The following SCFD2 variants were observed in gnomAD, a reference collection of about 807,000 sequenced individuals.
SCFD2 encodes sec1 family domain containing 2.
Under a neutral mutation model 58.9 loss-of-function variants are expected in SCFD2, and 54 were observed. The ratio of observed to expected loss-of-function variants is 0.92; its 90% CI spans 0.74 to 1.15. The LOEUF (loss-of-function observed/expected upper bound fraction) is 1.15, where lower values mean the gene tolerates loss of function less well. SCFD2 is among the 50% of genes most tolerant of loss of function. SCFD2 has a pLI of 0.00. For missense variants in SCFD2, 805 were observed against 836.6 expected, an observed-to-expected ratio of 0.96 and a Z score of 0.47; for synonymous variants, 321 against 335.9, an observed-to-expected ratio of 0.96 and a Z score of 0.49.
At chr4:52,931,375 C>G (rs1321897028) in intron 5 of SCFD2, among the ~76,000 whole-genome samples, 2 of 152,040 alleles carry the variant, frequency 1.3e-5, no homozygotes, top group Non-Finnish European at 2.9e-5. Context: ...TAGAAGAACA[C>G]TATGACGTTA....
In SCFD2 at chr4:53,262,986, A is replaced by G. The variant is rs147890865; in HGVS notation, c.1311+10840T>C. Among the ~76,000 whole-genome samples, 33 of 152,188 alleles carry G rather than the reference A, an allele frequency of 2.2e-4. No homozygotes were observed. The East Asian group carries it at 6.4e-3, about 29-fold the overall frequency. ...TCTTTGTCTATGATGGATTGGGTTA[A>G]TTCGAAAGCCTTGTCCTTGAGCTCT... On this transcript the variant is annotated intron_variant, in intron 4 of 8. Coordinates refer to ENST00000401642, the MANE Select transcript of SCFD2 (RefSeq NM_152540.4).
At chr4:52,947,887 A>T (rs949917474) in intron 5 of SCFD2, among the ~76,000 whole-genome samples, 1 of 151,772 alleles carries the variant, frequency 6.6e-6, no homozygotes, top group Admixed American at 6.6e-5. Flanking sequence ...CATAAAACCA[A>T]CAAAGGATTA....
chr4:52,981,599 G>T (rs1721376106), intron 5 of SCFD2, among the ~76,000 whole-genome samples: 1 of 152,004 alleles, frequency 6.6e-6, no homozygotes, highest in Non-Finnish European at 1.5e-5. Flanking sequence ...AAGGATCAAG[G>T]TCCTTATTTT....
chr4:53,032,563 A>T (rs534118433), intron 5 of SCFD2, among the ~76,000 whole-genome samples: 3 of 152,342 alleles, frequency 2.0e-5, no homozygotes, highest in Admixed American at 2.0e-4. Flanking sequence ...CTGCAAAGAC[A>T]CACATAAGCT....
intron 5 of SCFD2, among the ~76,000 whole-genome samples, chr4:52,987,154 G>T (rs1331748104): frequency 6.6e-6 from 1 of 152,016 alleles, no homozygotes; most frequent in Admixed American, 6.5e-5. Context: ...TTAGCCTCCT[G>T]AACAGCTGGG....
chr4:53,239,758 G>A (rs1729832293), intron 4 of SCFD2, among the ~76,000 whole-genome samples: 2 of 152,176 alleles, frequency 1.3e-5, no homozygotes, highest in Non-Finnish European at 2.9e-5. Context: ...TTACAGGCAT[G>A]AGGCACCATG....
intron 4 of SCFD2, among the ~76,000 whole-genome samples, chr4:53,167,231 C>T (rs139051977): frequency 9.8e-4 from 149 of 152,324 alleles, no homozygotes; most frequent in African/African-American, 3.5e-3. Context: ...ACTGCGTATA[C>T]CCAGAATACT....
chr4:52,896,682 T>C (rs1054096658), intron 7 of SCFD2, among the ~76,000 whole-genome samples: 3 of 152,224 alleles, frequency 2.0e-5, no homozygotes, highest in Admixed American at 2.0e-4. Context: ...AAGTAGTTTT[T>C]TCCAATTCTG....
intron 5 of SCFD2, among the ~76,000 whole-genome samples, chr4:53,109,794 C>G (rs771070538): frequency 1.3e-5 from 2 of 152,082 alleles, no homozygotes; most frequent in Non-Finnish European, 2.9e-5. Context: ...GCCATATTGT[C>G]CAAAGTAATT....
intron 5 of SCFD2, among the ~76,000 whole-genome samples, chr4:52,936,214 A>T (rs1257604997): frequency 1.3e-5 from 2 of 152,068 alleles, no homozygotes; most frequent in African/African-American, 2.4e-5. Context: ...CTGGGTAGTG[A>T]TGTAATTTAT....
intron 5 of SCFD2, among the ~76,000 whole-genome samples, chr4:53,122,413 C>T (rs1725505370): frequency 6.6e-6 from 1 of 151,986 alleles, no homozygotes; most frequent in African/African-American, 2.4e-5. Flanking sequence ...CCTCTGAACC[C>T]TGACATGCTG....
At chr4:52,884,200 G>A (rs1718682899) in intron 8 of SCFD2, among the ~76,000 whole-genome samples, 1 of 152,236 alleles carries the variant, frequency 6.6e-6, no homozygotes, top group South Asian at 2.1e-4. Flanking sequence ...GAAGTCCAGA[G>A]CTGCATTGCC....
chr4:53,166,528 TA>T (rs987690691), intron 4 of SCFD2, among the ~76,000 whole-genome samples: 1 of 151,464 alleles, frequency 6.6e-6, no homozygotes, highest in African/African-American at 2.4e-5. Flanking sequence ...CTCAAAGACA[TA>T]AAAAAAGAGA....
At chr4:53,226,402 TATATTGATATATA>T (rs946770559) in intron 4 of SCFD2, among the ~76,000 whole-genome samples, 1 of 152,160 alleles carries the variant, frequency 6.6e-6, no homozygotes, top group Non-Finnish European at 1.5e-5. Flanking sequence ...ATAATTGATA[TATATTGATATATA>T]ATATTGATAA....
intron 6 of SCFD2, among the ~76,000 whole-genome samples, chr4:52,916,396 CCT>C (rs1335052365): frequency 6.6e-6 from 1 of 152,186 alleles, no homozygotes; most frequent in Admixed American, 6.5e-5. Context: ...ATGGCGAAAC[CCT>C]GTCTCTACTA....
intron 3 of SCFD2, among the ~76,000 whole-genome samples, chr4:53,295,089 T>C (rs537637481): frequency 1.3e-5 from 2 of 152,318 alleles, no homozygotes; most frequent in Admixed American, 1.3e-4. Context: ...TCCAGCTTTG[T>C]TCTTTTTGCT....
intron 7 of SCFD2, among the ~76,000 whole-genome samples, chr4:52,896,444 C>G (rs868494800): frequency 4.0e-5 from 6 of 150,888 alleles, no homozygotes; most frequent in African/African-American, 9.7e-5. Flanking sequence ...TTGTTTTTGT[C>G]AGGTTTGTCA....
chr4:52,900,272 T>G (rs1719153254), intron 7 of SCFD2, among the ~76,000 whole-genome samples: 1 of 152,216 alleles, frequency 6.6e-6, no homozygotes, highest in Non-Finnish European at 1.5e-5. Flanking sequence ...TTTCCCCATC[T>G]TTGTGGTTTT....
chr4:52,928,346 A>G (rs1405272262), intron 5 of SCFD2, among the ~76,000 whole-genome samples: 1 of 152,104 alleles, frequency 6.6e-6, no homozygotes, highest in Admixed American at 6.5e-5. Flanking sequence ...GAAAATTATA[A>G]TCTAGGTTGT....
Sources: gnomAD v4.1 joint callset for allele counts (sites outside exome capture counted in the v4.1 genomes callset) on GRCh38, gnomAD v4.1.1 for gene constraint, MANE v1.5 for transcripts, NCBI Gene and HGNC (gene_info 2026-07-23, HGNC 2026-07-21) for gene names.